Variants in GRID2 observed in about 807,000 individuals in gnomAD.
GRID2 encodes the protein glutamate receptor ionotropic, delta-2.
GRID2 carries 33 observed loss-of-function variants against 114.8 expected under a neutral mutation model. The ratio of observed to expected loss-of-function variants is 0.29; its 90% CI spans 0.22 to 0.38. The LOEUF is 0.38. Ranked by LOEUF, GRID2 falls within the 10% of genes least tolerant of loss-of-function variation. The pLI is 1.00. For missense variants in GRID2, 1,184 were observed against 1,257.7 expected (o/e 0.94, Z 0.89); for synonymous variants, 505 against 449.9 (o/e 1.12, Z -1.55).
chr4:92,965,167 G>C (rs1374657315), intron 2 of GRID2, among the ~76,000 whole-genome samples: 3 of 151,702 alleles, frequency 2.0e-5, no homozygotes, highest in Admixed American at 2.0e-4. Flanking sequence ...TACTGGGAGG[G>C]GGGAATTGGG....
At chr4:93,016,398 A>G (rs1722722242) in intron 2 of GRID2, among the ~76,000 whole-genome samples, 1 of 152,090 alleles carries the variant, frequency 6.6e-6, no homozygotes, top group Non-Finnish European at 1.5e-5. Flanking sequence ...CGCTTTCTGT[A>G]AATTAATTTA....
chr4:92,315,350 A>G (rs549700728), intron 1 of GRID2, among the ~76,000 whole-genome samples: 4 of 152,322 alleles, frequency 2.6e-5, no homozygotes, highest in African/African-American at 9.6e-5. Flanking sequence ...ATGAGAGGGT[A>G]GGAGTCTTAT....
chr4:92,736,590 A>G (rs1736608608), intron 2 of GRID2, among the ~76,000 whole-genome samples: 1 of 152,122 alleles, frequency 6.6e-6, no homozygotes, highest in Admixed American at 6.6e-5. Context: ...ATTACCAAAT[A>G]CAACAACATG....
chr4:92,834,071 T>C (rs1291746444), intron 2 of GRID2: 1 of 152,216 alleles, frequency 6.6e-6, no homozygotes, highest in East Asian at 1.9e-4. Context: ...TAGAGTAATA[T>C]CTACTTAAAG....
rs557466883 is a variant in GRID2 at position 92,897,981 on chromosome 4, A to G, written c.245-187014A>G. On this transcript the variant is annotated intron_variant, in intron 2 of 15. Coordinates refer to ENST00000282020, the MANE Select transcript of GRID2 (RefSeq NM_001510.4). ...AGCTTAGGAAGAGATTCACGTATCC[A>G]ACACTACATCTTCTTTACATTTTAA... Among the ~76,000 whole-genome samples the G allele has an allele frequency of 2.0e-5, 3 of 152,348 alleles. No individual in the cohort carries two copies. In the East Asian group the frequency reaches 5.8e-4, roughly 29 times the overall value.
intron 2 of GRID2, among the ~76,000 whole-genome samples, chr4:92,854,615 C>T (rs961211932): frequency 1.3e-5 from 2 of 151,256 alleles, no homozygotes; most frequent in Non-Finnish European, 3.0e-5. Context: ...TTAGAATCTA[C>T]GTAAACAAGA....
chr4:92,875,347 G>A (rs1745554976), intron 2 of GRID2, among the ~76,000 whole-genome samples: 1 of 151,784 alleles, frequency 6.6e-6, no homozygotes, highest in African/African-American at 2.4e-5. Context: ...TCTATTTTTA[G>A]TAGAGACGGG....
intron 2 of GRID2, among the ~76,000 whole-genome samples, chr4:92,907,893 T>C (rs768331800): frequency 6.6e-5 from 10 of 151,878 alleles, no homozygotes; most frequent in Non-Finnish European, 1.5e-4. Context: ...TGTGTTAGGG[T>C]GCGCTTACAA....
intron 1 of GRID2, among the ~76,000 whole-genome samples, chr4:92,334,721 G>T (rs979833153): frequency 6.6e-5 from 10 of 152,124 alleles, no homozygotes; most frequent in Non-Finnish European, 1.3e-4. Context: ...CTACAATGGG[G>T]ACTAAGATTC....
intron 13 of GRID2, among the ~76,000 whole-genome samples, chr4:93,533,341 GCCCT>G (rs1175395311): frequency 2.0e-4 from 22 of 109,950 alleles, no homozygotes; most frequent in African/African-American, 6.0e-4. Context: ...TTTCTTTCTT[GCCCT>G]CCCTCCCTCC....
chr4:93,311,234 T>A (rs1219186726), intron 8 of GRID2, among the ~76,000 whole-genome samples: 2 of 152,026 alleles, frequency 1.3e-5, no homozygotes, highest in South Asian at 4.2e-4. Context: ...CAAAAAGCCA[T>A]CTCAAATTCT....
chr4:92,378,061 T>C (rs2110231466), intron 1 of GRID2, among the ~76,000 whole-genome samples: 1 of 152,176 alleles, frequency 6.6e-6, no homozygotes, highest in East Asian at 1.9e-4. Context: ...TTAGATCATA[T>C]AATTTTAGAG....
At chr4:93,580,430 A>G (rs1000478166) in intron 13 of GRID2, among the ~76,000 whole-genome samples, 16 of 152,228 alleles carry the variant, frequency 1.1e-4, no homozygotes, top group African/African-American at 3.9e-4. Context: ...TATTTCGAGA[A>G]AGAACTCCTG....
At chr4:92,739,190 T>C (rs1240472281) in intron 2 of GRID2, among the ~76,000 whole-genome samples, 1 of 152,196 alleles carries the variant, frequency 6.6e-6, no homozygotes, top group African/African-American at 2.4e-5. Flanking sequence ...CAAGTTACCC[T>C]AGAACATGAC....
chr4:93,681,671 C>A (rs1378294276), intron 14 of GRID2, among the ~76,000 whole-genome samples: 9 of 152,136 alleles, frequency 5.9e-5, no homozygotes, highest in African/African-American at 1.9e-4. Flanking sequence ...CAAAAACAAC[C>A]AATGGGGAAA....
chr4:92,378,263 CTATTAAG>C (rs1391466011), intron 1 of GRID2, among the ~76,000 whole-genome samples: 1 of 151,994 alleles, frequency 6.6e-6, no homozygotes, highest in Non-Finnish European at 1.5e-5. Context: ...ACATATTAAA[CTATTAAG>C]TATTGCTTCA....
At chr4:92,533,809 T>C (rs1725474190) in intron 1 of GRID2, among the ~76,000 whole-genome samples, 1 of 152,128 alleles carries the variant, frequency 6.6e-6, no homozygotes, top group South Asian at 2.1e-4. Context: ...ACTTTGTCCT[T>C]GACAAACTAT....
At chr4:92,944,374 A>C (rs894179463) in intron 2 of GRID2, among the ~76,000 whole-genome samples, 2 of 152,214 alleles carry the variant, frequency 1.3e-5, no homozygotes, top group African/African-American at 4.8e-5. Flanking sequence ...CCTCTGAGCC[A>C]GGTGCTGGAT....
chr4:92,350,582 G>C (rs915994994), intron 1 of GRID2, among the ~76,000 whole-genome samples: 2 of 151,394 alleles, frequency 1.3e-5, no homozygotes, highest in African/African-American at 4.8e-5. Context: ...TTATTTGTTT[G>C]TTGACGTTTA....
Sources: gnomAD v4.1 joint callset for allele counts (sites outside exome capture counted in the v4.1 genomes callset) on GRCh38, gnomAD v4.1.1 for gene constraint, MANE v1.5 for transcripts, NCBI Gene and HGNC (gene_info 2026-07-23, HGNC 2026-07-21) for gene names.